The following EPHA10 variants were observed in gnomAD, a reference collection of about 807,000 sequenced individuals.
EPHA10 encodes the protein ephrin type-A receptor 10.
EPHA10 carries 120 observed loss-of-function variants against 109.7 expected under a neutral mutation model. That is an observed-to-expected ratio of 1.09 (90% confidence interval 0.94 to 1.27). The LOEUF (loss-of-function observed/expected upper bound fraction) is 1.27. Ranked by LOEUF, EPHA10 falls within the 50% of genes most tolerant of loss-of-function variation. The pLI is 0.00. For missense variants in EPHA10, 1,396 were observed against 1,411.1 expected, an observed-to-expected ratio of 0.99 and a Z score of 0.17; for synonymous variants, 640 against 618.9, an observed-to-expected ratio of 1.03 and a Z score of -0.51.
rs1263605361 is a variant in EPHA10, at chr1:37,750,841, C to T, written c.1357+2035G>A. Among the ~76,000 whole-genome samples the T allele has an allele frequency of 3.3e-5, 5 of 151,866 alleles. 1 individual carries two copies. The highest frequency in any genetic ancestry group is 9.7e-5 in the African/African-American group (4 of 41,346). ...GACTAAGGGCATGAGCCACTGTTCC[C>T]GGCCTGAAGAAAACTTTTCCCGGGA... On this transcript the variant is annotated intron_variant, in intron 5 of 16. Transcript: ENST00000373048.
rs752672196 is a variant in EPHA10 at position 37,719,426 on chromosome 1, G to A, written c.2744C>T (p.Thr915Ile). The change falls in exon 15 of 17, where the codon ACT (threonine) becomes ATT (isoleucine). Residue 915 changes from threonine to isoleucine, a missense_variant. Coordinates refer to ENST00000373048, the MANE Select transcript of EPHA10 (RefSeq NM_001099439.2). ...QDPEPPKCALTTCPRPPTPLA... is the reference protein window; with the variant it reads ...QDPEPPKCALITCPRPPTPLA... ...TGTGGGAACGTACCTGGGACAGGTA[G>A]TCAGGGCACACTTGGGGGGCTCTGG... 1.2e-6 allele frequency: 2 copies of A among 1,612,840 alleles called. No homozygotes were observed. The highest frequency in any genetic ancestry group is 2.7e-5 in the African/African-American group (2 of 74,928).
At position 37,753,009 on chromosome 1, in the gene EPHA10, T is replaced by G; in HGVS notation, c.1224A>C (p.Arg408=). Residue 408 remains arginine, a synonymous_variant, in exon 5 of 17, where the codon CGA becomes CGC. Coordinates refer to ENST00000373048, the MANE Select transcript of EPHA10 (RefSeq NM_001099439.2). The part of the protein sequence containing the change: ...FLPRQAGLRE[R]AATLLHLRPG... ...GCCGCAGGTGCAGCAGCGTGGCGGC[T>G]CGCTCCCGCAGCCCTGCCTGGCGCG... The G allele has an allele frequency of 8.1e-7, 1 of 1,228,760 alleles. No individual in the cohort carries two copies. The highest frequency in any genetic ancestry group is 3.1e-5 in the South Asian group (1 of 32,586). The allele number at this position is 1,228,760 out of a possible 1,614,324, so 76.1% of individuals were successfully genotyped here.
chr1:37,723,409 C>T lies in EPHA10; in HGVS notation c.1773-37G>A, dbSNP rs368168205. On this transcript the variant is annotated intron_variant, in intron 8 of 16. Coordinates refer to ENST00000373048, the MANE Select transcript of EPHA10 (RefSeq NM_001099439.2). ...TTCAGGGTCATTCTTTCAGCCAGGC[C>T]ACCCCGGCCCTTCCCATTACAGAGC... 2.0e-4 allele frequency: 319 copies of T among 1,609,562 alleles called. 2 individuals carry two copies. In the African/African-American group the frequency reaches 3.9e-3, roughly 20 times the overall value.
chr1:37,732,075 T>A (rs548011088), intron 6 of EPHA10, among the ~76,000 whole-genome samples: 1 of 152,190 alleles, frequency 6.6e-6, no homozygotes, highest in African/African-American at 2.4e-5. Context: ...GAAAGTATTA[T>A]CTTGTTTGTT....
chr1:37,723,352 C>G lies in EPHA10; in HGVS notation c.1793G>C (p.Gly598Ala), dbSNP rs1439835554. 6.2e-7 allele frequency: 1 copy of G among 1,614,212 alleles called. No homozygotes were observed. The highest frequency in any genetic ancestry group is 8.5e-7 in the Non-Finnish European group (1 of 1,180,044). Residue 598 changes from glycine to alanine, a missense_variant, in exon 9 of 17, where the codon GGA becomes GCA. By Grantham distance (60) the Gly-to-Ala change is moderately conservative. Coordinates refer to ENST00000373048, the MANE Select transcript of EPHA10 (RefSeq NM_001099439.2). ...CTCTTCATCATGGGCATCCCCTCCT[C>G]CTTTGCCATAGCTGCAGGGCCTGGC... ...IWRRPCSYGK[G>A]GGDAHDEEEL...
intron 5 of EPHA10, among the ~76,000 whole-genome samples, chr1:37,744,000 A>C (rs1646193786): frequency 6.6e-6 from 1 of 152,170 alleles, no homozygotes; most frequent in South Asian, 2.1e-4. Flanking sequence ...ACCACGTACA[A>C]ACCTCCATGA....
At chr1:37,738,366 CA>C (rs919007984) in intron 5 of EPHA10, among the ~76,000 whole-genome samples, 2 of 149,074 alleles carry the variant, frequency 1.3e-5, no homozygotes, top group African/African-American at 5.0e-5. Flanking sequence ...GACTCTGTCT[CA>C]AAAAAAAAGA....
At chr1:37,744,401 T>C (rs939427320) in intron 5 of EPHA10, among the ~76,000 whole-genome samples, 3 of 151,002 alleles carry the variant, frequency 2.0e-5, no homozygotes, top group Admixed American at 1.3e-4. Flanking sequence ...GTGCCTGTAA[T>C]CCCAGCTACT....
rs771975739 is a variant in EPHA10, at chr1:37,762,065, C to T, written c.190G>A (p.Val64Met). 2 of 1,589,328 alleles carry T rather than the reference C, an allele frequency of 1.3e-6. No homozygotes were observed. The highest frequency in any genetic ancestry group is 1.7e-6 in the Non-Finnish European group (2 of 1,165,262). The change falls in exon 3 of 17, where the codon GTG (valine) becomes ATG (methionine). Residue 64 changes from valine to methionine, a missense_variant. Transcript: ENST00000373048. ...PSNGWEEISG[V>M]DEHDRPIRTY... The stretch of plus-strand genomic sequence containing the variant: ...CGGATGGGACGGTCGTGTTCATCCA[C>T]GCCGCTGATCTCCTCCCACTGGGGA...
At chr1:37,722,470 C>G (rs556214089) in intron 10 of EPHA10, among the ~76,000 whole-genome samples, 1 of 152,172 alleles carries the variant, frequency 6.6e-6, no homozygotes, top group Non-Finnish European at 1.5e-5. Flanking sequence ...AAGCAGCTAC[C>G]GTCTCTGAGC....
chr1:37,757,877 T>C (rs541220914), intron 3 of EPHA10, among the ~76,000 whole-genome samples: 1 of 152,202 alleles, frequency 6.6e-6, no homozygotes, highest in Non-Finnish European at 1.5e-5. Context: ...AGTTGATAAT[T>C]CCCTCAACAT....
chr1:37,726,770 T>TG (rs903606816), intron 8 of EPHA10, among the ~76,000 whole-genome samples: 2 of 152,226 alleles, frequency 1.3e-5, no homozygotes, highest in African/African-American at 4.8e-5. Flanking sequence ...GGACAGGGGC[T>TG]GGGGGCCTCT....
intron 8 of EPHA10, 47 bp downstream of exon 8, chr1:37,727,055 G>A (rs767473444): frequency 1.1e-5 from 16 of 1,475,442 alleles, no homozygotes; most frequent in African/African-American, 1.4e-5. Flanking sequence ...TAATGTGCAC[G>A]GGACATGACC....
chr1:37,724,911 G>C (rs1351558266), intron 8 of EPHA10, among the ~76,000 whole-genome samples: 1 of 152,160 alleles, frequency 6.6e-6, no homozygotes, highest in East Asian at 1.9e-4. Flanking sequence ...AGCTTACCAA[G>C]CCTCCACACA....
intron 1 of EPHA10, among the ~76,000 whole-genome samples, chr1:37,763,794 G>C (rs1646453290): frequency 6.6e-6 from 1 of 152,132 alleles, no homozygotes. Flanking sequence ...AACATTTTTA[G>C]ACTGACTCCC....
intron 5 of EPHA10, among the ~76,000 whole-genome samples, chr1:37,745,313 A>C (rs540039115): frequency 1.3e-5 from 2 of 152,318 alleles, no homozygotes; most frequent in Admixed American, 1.3e-4. Context: ...GGGAAATGCA[A>C]ATCAAAGCCA....
intron 5 of EPHA10, among the ~76,000 whole-genome samples, chr1:37,737,323 A>G (rs1014576074): frequency 1.3e-5 from 2 of 152,058 alleles, no homozygotes; most frequent in African/African-American, 2.4e-5. Flanking sequence ...ACACACACAC[A>G]CTCACACACA....
At chr1:37,755,817 T>G (rs653640) in intron 3 of EPHA10, among the ~76,000 whole-genome samples, 120,769 of 152,112 alleles carry the variant, frequency 0.79, 48,105 homozygotes, top group Admixed American at 0.86. Flanking sequence ...GCTGGGCCAG[T>G]TGGTTCCTGG....
At chr1:37,724,003 G>A (rs773358196) in intron 8 of EPHA10, among the ~76,000 whole-genome samples, 3 of 152,260 alleles carry the variant, frequency 2.0e-5, no homozygotes, top group Non-Finnish European at 4.4e-5. Context: ...TTTATTCTGG[G>A]AGCAGAGGAG....
Sources: gnomAD v4.1 joint callset for allele counts (sites outside exome capture counted in the v4.1 genomes callset) on GRCh38, gnomAD v4.1.1 for gene constraint, MANE v1.5 for transcripts, NCBI Gene and HGNC (gene_info 2026-07-23, HGNC 2026-07-21) for gene names.